RAI1: variants seen among roughly 807,000 people sequenced by gnomAD.
RAI1 encodes the protein retinoic acid-induced protein 1.
In RAI1, 9 loss-of-function variants were observed where a neutral mutation model predicts 123.8. That is an observed-to-expected ratio of 0.07 (90% CI 0.04 to 0.13). The LOEUF (loss-of-function observed/expected upper bound fraction) is 0.13. RAI1 is among the 10% of genes least tolerant of loss of function. RAI1 has a pLI of 1.00. For missense variants in RAI1, 2,256 were observed against 2,545.8 expected, an observed-to-expected ratio of 0.89 and a Z score of 2.45; for synonymous variants, 1,231 against 1,127.3, an observed-to-expected ratio of 1.09 and a Z score of -1.84.
intron 2 of RAI1, among the ~76,000 whole-genome samples, chr17:17,759,707 C>T (rs539536470): frequency 1.2e-4 from 19 of 152,300 alleles, no homozygotes; most frequent in Non-Finnish European, 2.4e-4. Context: ...CTAGAATGTT[C>T]GGTGCTTGTC....
intron 2 of RAI1, among the ~76,000 whole-genome samples, chr17:17,736,071 G>A (rs1279954537): frequency 1.3e-5 from 2 of 152,178 alleles, no homozygotes; most frequent in African/African-American, 4.8e-5. Flanking sequence ...GGTTGAGTGT[G>A]GATATCCATG....
In RAI1 at chr17:17,756,077, G is replaced by T. The variant is rs564955530; in HGVS notation, c.-17+31918G>T. On this transcript the variant is annotated intron_variant, in intron 2 of 5. Transcript: ENST00000353383. ...TGTGGGGTCTGGTTGGTTATTGCAG[G>T]GCCTGTTGGGACTGCCTGTGTCCCT... Among the ~76,000 whole-genome samples the T allele has an allele frequency of 4.6e-5, 7 of 152,330 alleles. No homozygotes were observed. In the South Asian group the frequency reaches 1.4e-3, roughly 32 times the overall value.
rs1352712421 is a variant in RAI1, at chr17:17,741,089, GCGCACA to G, written c.-17+16932_-17+16937del. Among the ~76,000 whole-genome samples the G allele has an allele frequency of 2.4e-3, 359 of 149,558 alleles. 1 individual carries two copies. Among genetic ancestry groups the G allele is most frequent in the Non-Finnish European group, 4.2e-3 (285 of 67,572 alleles). On this transcript the variant is annotated intron_variant, in intron 2 of 5. Coordinates refer to ENST00000353383, the MANE Select transcript of RAI1 (RefSeq NM_030665.4). ...ATGTTAGTATTCAGCACAAGCGCGC[GCGCACA>G]CACACACACACACACACTCGCGCAC...
intron 2 of RAI1, among the ~76,000 whole-genome samples, chr17:17,738,686 T>A (rs1053918135): frequency 6.6e-6 from 1 of 152,214 alleles, no homozygotes; most frequent in Admixed American, 6.5e-5. Flanking sequence ...TGTGTGTGTC[T>A]GAGCTCAGGC....
At chr17:17,743,531 AC>A (rs1223501025) in intron 2 of RAI1, among the ~76,000 whole-genome samples, 1 of 152,184 alleles carries the variant, frequency 6.6e-6, no homozygotes, top group Non-Finnish European at 1.5e-5. Context: ...GCAGCCCATC[AC>A]TGCTGGTATC....
At chr17:17,754,514 G>A (rs985217939) in intron 2 of RAI1, among the ~76,000 whole-genome samples, 14 of 152,150 alleles carry the variant, frequency 9.2e-5, no homozygotes, top group Non-Finnish European at 1.9e-4. Flanking sequence ...GGGATTATAG[G>A]CATGAGCCAC....
intron 2 of RAI1, among the ~76,000 whole-genome samples, chr17:17,771,037 A>AG (rs1312463142): frequency 6.6e-6 from 1 of 152,080 alleles, no homozygotes; most frequent in Non-Finnish European, 1.5e-5. Flanking sequence ...AGGGGGCTTC[A>AG]GGGGGATCTT....
At chr17:17,790,822 C>T (rs1350194331) in intron 2 of RAI1, among the ~76,000 whole-genome samples, 1 of 152,162 alleles carries the variant, frequency 6.6e-6, no homozygotes, top group Non-Finnish European at 1.5e-5. Flanking sequence ...GCGCTGTGCC[C>T]TCGGCCTGGG....
At position 17,809,065 on chromosome 17, in the gene RAI1, T is replaced by G. The variant is rs908494430; in HGVS notation, c.5660-325T>G. The G allele has an allele frequency of 2.3e-6, 1 of 433,176 alleles. No homozygotes were observed. Among genetic ancestry groups the G allele is most frequent in the Non-Finnish European group, 4.3e-6 (1 of 232,250 alleles). The allele number at this position is 433,176 out of a possible 1,614,324, so 26.8% of individuals were successfully genotyped here. Reference sequence around the variant, plus strand: ...CAGTCTCTTAGGAGGCAGTGACAAGTGTGGCTGGCAGAGTAAGGCGGGAGG... The same window carrying G: ...CAGTCTCTTAGGAGGCAGTGACAAGGGTGGCTGGCAGAGTAAGGCGGGAGG... On this transcript the variant is annotated intron_variant, in intron 4 of 5. Transcript: ENST00000353383. The surrounding 1 kb of genome is among the most constrained non-coding windows in gnomAD (Gnocchi z 4.9).
chr17:17,743,773 T>C (rs1659440825), intron 2 of RAI1, among the ~76,000 whole-genome samples: 1 of 152,224 alleles, frequency 6.6e-6, no homozygotes, highest in African/African-American at 2.4e-5. Flanking sequence ...GGCCTGGGAA[T>C]CTGAATTGTT....
chr17:17,708,462 C>CTTAGAGAGTTAGAGACTTAGAGACTTAG (rs1915463307), intron 1 of RAI1, among the ~76,000 whole-genome samples: 2 of 151,878 alleles, frequency 1.3e-5, no homozygotes, highest in Admixed American at 6.6e-5. Context: ...CCCTTAGAGA[C>CTTAGAGAGTTAGAGACTTAGAGACTTAG]AGAGTCTCAC....
intron 2 of RAI1, among the ~76,000 whole-genome samples, chr17:17,790,595 T>C (rs2031978069): frequency 6.6e-6 from 1 of 151,908 alleles, no homozygotes. Context: ...ATAATGTTTC[T>C]GGTAATGCAT....
At chr17:17,765,604 C>T (rs1238474557) in intron 2 of RAI1, among the ~76,000 whole-genome samples, 4 of 152,256 alleles carry the variant, frequency 2.6e-5, no homozygotes, top group Non-Finnish European at 5.9e-5. Flanking sequence ...TATTTGAATG[C>T]ACTGAACTCA....
intron 4 of RAI1, among the ~76,000 whole-genome samples, chr17:17,805,415 A>G (rs560394848): frequency 4.6e-5 from 7 of 152,044 alleles, no homozygotes; most frequent in Admixed American, 6.5e-5. Context: ...CGTCACCCTC[A>G]ATCCCTCCCA....
chr17:17,790,264 A>C (rs112331986), intron 2 of RAI1, among the ~76,000 whole-genome samples: 7,807 of 152,322 alleles, frequency 0.051, 273 homozygotes, highest in Middle Eastern at 0.16. Flanking sequence ...CCTGGCTGGC[A>C]CTGAGAGGCG....
chr17:17,798,541 G>T, intron 3 of RAI1, 28 bp downstream of exon 3: 2 of 1,597,170 alleles, frequency 1.3e-6, no homozygotes, highest in South Asian at 1.1e-5. Flanking sequence ...CCAGGGTGGG[G>T]AGTGTGGGGT....
rs2032384398 is a variant in RAI1 at position 17,799,486 on chromosome 17, A to T, written c.5565+973A>T. Among the ~76,000 whole-genome samples, 1 of 152,054 alleles carries T rather than the reference A, an allele frequency of 6.6e-6. No individual in the cohort carries two copies. The highest frequency in any genetic ancestry group is 1.5e-5 in the Non-Finnish European group (1 of 67,998). The stretch of plus-strand genomic sequence containing the variant: ...CCCCCGGGGCCATGCTTCTGCCCCC[A>T]CATTCAACCCCGACTCCACTGCCTC... On this transcript the variant is annotated intron_variant, in intron 3 of 5. Coordinates refer to ENST00000353383, the MANE Select transcript of RAI1 (RefSeq NM_030665.4). The surrounding 1 kb of genome is among the most constrained non-coding windows in gnomAD (Gnocchi z 4.5).
chr17:17,772,615 C>T (rs1363480467), intron 2 of RAI1, among the ~76,000 whole-genome samples: 1 of 152,230 alleles, frequency 6.6e-6, no homozygotes, highest in East Asian at 1.9e-4. Context: ...TCACTACTAT[C>T]TCTCACTCTC....
At chr17:17,762,762 A>T (rs1167631939) in intron 2 of RAI1, among the ~76,000 whole-genome samples, 4 of 152,098 alleles carry the variant, frequency 2.6e-5, no homozygotes, top group Non-Finnish European at 5.9e-5. Flanking sequence ...GACACAGGGC[A>T]TCCAGGAGGC....
Sources: gnomAD v4.1 joint callset for allele counts (sites outside exome capture counted in the v4.1 genomes callset) on GRCh38, gnomAD v4.1.1 for gene constraint, Gnocchi (gnomAD v3.1) non-coding constraint, MANE v1.5 for transcripts, NCBI Gene and HGNC (gene_info 2026-07-23, HGNC 2026-07-21) for gene names.